MAP4K5: variants seen among roughly 807,000 people sequenced by gnomAD.
MAP4K5 encodes mitogen-activated protein kinase kinase kinase kinase 5.
MAP4K5 carries 82 observed loss-of-function variants against 135.6 expected under a neutral mutation model. The observed-to-expected ratio is 0.60, with a 90% CI of 0.51 to 0.73. The LOEUF is 0.73. Among genes scored for constraint, MAP4K5 ranks in the 30% least tolerant of loss-of-function variants. MAP4K5 has a pLI of 0.00. For synonymous variants in MAP4K5, 347 were observed against 335.0 expected (o/e 1.04, Z -0.39); for missense variants, 907 against 1,010.9 (o/e 0.90, Z 1.39).
chr14:50,543,756 G>A (rs908607586), intron 1 of MAP4K5, among the ~76,000 whole-genome samples: 1 of 152,194 alleles, frequency 6.6e-6, no homozygotes, highest in African/African-American at 2.4e-5. Context: ...AAGAGGCAGA[G>A]GTAGGAGTGG....
chr14:50,480,691 T>C (rs1463772210), intron 6 of MAP4K5, among the ~76,000 whole-genome samples: 3 of 152,182 alleles, frequency 2.0e-5, no homozygotes, highest in Admixed American at 6.5e-5. Flanking sequence ...GAGAAATGCA[T>C]TGTTAGGCAA....
At position 50,560,292 on chromosome 14, in the gene MAP4K5, C is replaced by G. The variant is rs752593199; in HGVS notation, c.-180+748G>C. 3.6e-5 allele frequency: 58 copies of G among 1,613,894 alleles called. No individual in the cohort carries two copies. The highest frequency in any genetic ancestry group is 1.0e-4 in the Admixed American group (6 of 60,000). On this transcript the variant is annotated intron_variant, in intron 1 of 8. Transcript: ENST00000555216. ...TGGCCAAGAACCGCAGGGACAGAAA[C>G]AGTTGGGGTGAGTAGCAAATGAGAA...
chr14:50,439,516 T>C (rs1020371908), intron 23 of MAP4K5, among the ~76,000 whole-genome samples: 1 of 152,102 alleles, frequency 6.6e-6, no homozygotes, highest in African/African-American at 2.4e-5. Flanking sequence ...TGTATAAGAC[T>C]CTACAGTTTA....
intron 21 of MAP4K5, among the ~76,000 whole-genome samples, chr14:50,441,797 C>CACACACACACACACACAT (rs1491145074): frequency 2.3e-5 from 3 of 132,516 alleles, no homozygotes; most frequent in African/African-American, 9.2e-5. Flanking sequence ...CACACACACA[C>CACACACACACACACACAT]ATATATATAC....
chr14:50,460,795 G>C (rs1302063042), intron 13 of MAP4K5, among the ~76,000 whole-genome samples: 2 of 152,134 alleles, frequency 1.3e-5, no homozygotes, highest in East Asian at 3.8e-4. Flanking sequence ...AGATATGATG[G>C]TGTATTAACT....
At chr14:50,464,273 G>T (rs8022257) in intron 11 of MAP4K5, 140 bp from the exon 12 acceptor site, 544,713 of 545,964 alleles carry the variant, frequency 1, 271,746 homozygotes, top group East Asian at 1. Context: ...AATATATTCC[G>T]TGGAAACATC....
At chr14:50,523,509 G>T (rs1595546535) in intron 2 of MAP4K5, among the ~76,000 whole-genome samples, 1 of 152,002 alleles carries the variant, frequency 6.6e-6, no homozygotes, top group African/African-American at 2.4e-5. Flanking sequence ...TTATCCACTT[G>T]GTTAACTCCC....
At chr14:50,437,597 A>G (rs2036125665) in intron 25 of MAP4K5, 63 bp from the exon 26 acceptor site, 1 of 1,088,542 alleles carries the variant, frequency 9.2e-7, no homozygotes, top group South Asian at 1.5e-5. Context: ...TGATTTGTAA[A>G]TCAGTTGCAT....
chr14:50,458,819 AT>A (rs911112975), intron 13 of MAP4K5, among the ~76,000 whole-genome samples: 10 of 151,764 alleles, frequency 6.6e-5, no homozygotes, highest in African/African-American at 2.4e-4. Context: ...ACTTTTATTT[AT>A]TTTTTTGAGA....
intron 6 of MAP4K5, among the ~76,000 whole-genome samples, chr14:50,481,747 G>A: frequency 6.6e-6 from 1 of 152,034 alleles, no homozygotes; most frequent in Admixed American, 6.6e-5. Flanking sequence ...ACCCATTTTA[G>A]CATACTAAAA....
At chr14:50,523,920 C>T (rs2038205384) in intron 2 of MAP4K5, among the ~76,000 whole-genome samples, 1 of 152,210 alleles carries the variant, frequency 6.6e-6, no homozygotes, top group East Asian at 1.9e-4. Context: ...TCACTCTAAC[C>T]ATGCTCGCAG....
chr14:50,425,799 A>G (rs897637940), intron 31 of MAP4K5, 108 bp downstream of exon 31: 3 of 657,318 alleles, frequency 4.6e-6, no homozygotes, highest in Non-Finnish European at 7.8e-6. Flanking sequence ...ATAGTATTAA[A>G]AGCACTAAAC....
intron 8 of MAP4K5, among the ~76,000 whole-genome samples, chr14:50,475,451 A>G (rs2037074848): frequency 6.6e-6 from 1 of 152,158 alleles, no homozygotes; most frequent in Non-Finnish European, 1.5e-5. Context: ...AAAATAAAAC[A>G]CATGGGAGAA....
At chr14:50,548,380 C>T (rs770337098) in intron 1 of MAP4K5, among the ~76,000 whole-genome samples, 7 of 152,282 alleles carry the variant, frequency 4.6e-5, no homozygotes, top group Non-Finnish European at 7.3e-5. Flanking sequence ...GTGAAACAAG[C>T]CCAAGCACTA....
chr14:50,508,498 T>C (rs550283957), intron 2 of MAP4K5, among the ~76,000 whole-genome samples: 7 of 151,368 alleles, frequency 4.6e-5, no homozygotes, highest in Non-Finnish European at 1.0e-4. Flanking sequence ...TTCTCACTCA[T>C]AGGTGGGAAT....
At chr14:50,493,640 T>C (rs761783736) in intron 3 of MAP4K5, among the ~76,000 whole-genome samples, 4 of 152,126 alleles carry the variant, frequency 2.6e-5, no homozygotes, top group Non-Finnish European at 4.4e-5. Flanking sequence ...GAAAAATCAG[T>C]TGTGTTTCTA....
intron 16 of MAP4K5, among the ~76,000 whole-genome samples, chr14:50,446,857 A>G (rs1245781773): frequency 6.6e-6 from 1 of 152,362 alleles, no homozygotes; most frequent in Non-Finnish European, 1.5e-5. Flanking sequence ...TATTTATGAC[A>G]CTGAAATTTG....
At chr14:50,520,145 A>T (rs2038117887) in intron 2 of MAP4K5, among the ~76,000 whole-genome samples, 1 of 152,124 alleles carries the variant, frequency 6.6e-6, no homozygotes, top group Non-Finnish European at 1.5e-5. Context: ...CGGGTGGATC[A>T]CGAGGTCAGG....
intron 2 of MAP4K5, among the ~76,000 whole-genome samples, chr14:50,517,811 C>T (rs972226313): frequency 6.6e-6 from 1 of 151,898 alleles, no homozygotes; most frequent in African/African-American, 2.4e-5. Context: ...TGAAAGTGTT[C>T]GATCCAAAAC....
Sources: allele counts gnomAD v4.1 joint callset (sites outside exome capture counted in the v4.1 genomes callset), GRCh38; gene constraint gnomAD v4.1.1; transcripts MANE v1.5; gene names NCBI Gene and HGNC (gene_info 2026-07-23, HGNC 2026-07-21).